CPQ: variants seen among roughly 807,000 people sequenced by gnomAD.
CPQ encodes Ser-Met dipeptidase.
In CPQ, 37 loss-of-function variants were observed where a neutral mutation model predicts 45.7. The ratio of observed to expected loss-of-function variants is 0.81; its 90% CI spans 0.62 to 1.07. The LOEUF is 1.07. Ranked by LOEUF, CPQ falls within the 50% of genes least tolerant of loss-of-function variation. The probability of loss-of-function intolerance (pLI) is 0.00; values close to 1 mark genes in which losing one functional copy is unlikely to be tolerated. For missense variants in CPQ, 537 were observed against 572.9 expected, an observed-to-expected ratio of 0.94 and a Z score of 0.64; for synonymous variants, 186 against 205.8, an observed-to-expected ratio of 0.90 and a Z score of 0.82.
At chr8:96,871,553 T>C (rs947264979) in intron 3 of CPQ, among the ~76,000 whole-genome samples, 26 of 150,812 alleles carry the variant, frequency 1.7e-4, no homozygotes, top group Non-Finnish European at 2.8e-4. Flanking sequence ...TTTTTTTTTT[T>C]TTTAAGCAGG....
chr8:96,807,890 T>C (rs2130827017), intron 2 of CPQ, among the ~76,000 whole-genome samples: 1 of 152,300 alleles, frequency 6.6e-6, no homozygotes, highest in South Asian at 2.1e-4. Context: ...AAGGCTCTTT[T>C]CCCACTTCAG....
intron 3 of CPQ, among the ~76,000 whole-genome samples, chr8:96,869,454 A>G (rs1274949048): frequency 6.6e-6 from 1 of 152,084 alleles, no homozygotes; most frequent in Non-Finnish European, 1.5e-5. Context: ...CTGGGCATGG[A>G]TGTAATATTG....
At chr8:96,687,321 T>G (rs1325626346) in intron 1 of CPQ, among the ~76,000 whole-genome samples, 1 of 152,124 alleles carries the variant, frequency 6.6e-6, no homozygotes, top group Non-Finnish European at 1.5e-5. Context: ...AAAGTGATTC[T>G]CCTGCCTCAG....
intron 5 of CPQ, among the ~76,000 whole-genome samples, chr8:97,012,784 C>A (rs577582281): frequency 6.6e-6 from 1 of 152,256 alleles, no homozygotes; most frequent in East Asian, 1.9e-4. Flanking sequence ...ATAAGGTCAG[C>A]TAATCCATTA....
At chr8:96,746,811 G>A (rs1459720513) in intron 1 of CPQ, among the ~76,000 whole-genome samples, 2 of 152,148 alleles carry the variant, frequency 1.3e-5, no homozygotes, top group African/African-American at 4.8e-5. Context: ...CCTCATTATA[G>A]CCTTTGGACA....
chr8:96,751,571 C>G (rs1810260144), intron 1 of CPQ, among the ~76,000 whole-genome samples: 1 of 152,082 alleles, frequency 6.6e-6, no homozygotes, highest in African/African-American at 2.4e-5. Flanking sequence ...CAAACATTTT[C>G]TCCCATTCTG....
At chr8:97,059,820 A>T (rs1329573176) in intron 6 of CPQ, among the ~76,000 whole-genome samples, 1 of 152,158 alleles carries the variant, frequency 6.6e-6, no homozygotes, top group Non-Finnish European at 1.5e-5. Context: ...TTATCTGTAA[A>T]ATATTTACAT....
intron 2 of CPQ, among the ~76,000 whole-genome samples, chr8:96,829,907 C>G (rs577465675): frequency 6.4e-4 from 97 of 152,218 alleles, no homozygotes; most frequent in Middle Eastern, 6.8e-3. Context: ...AATTTTGGCC[C>G]AGTAGGAAGG....
rs372241683 is a variant in CPQ at position 96,737,355 on chromosome 8, G to GAT, written c.-34-47496_-34-47495dup. ...ACACACTCACACAGAACTAATAGGA[G>GAT]ATATATATATATATGAGTTTATTAA... is the stretch of plus-strand genomic sequence containing the variant. On this transcript the variant is annotated intron_variant, in intron 1 of 7. Coordinates refer to ENST00000220763, the MANE Select transcript of CPQ (RefSeq NM_016134.4). Among the ~76,000 whole-genome samples the GAT allele has an allele frequency of 3.0e-3, 358 of 117,996 alleles. 24 individuals are homozygous for GAT. The highest frequency in any genetic ancestry group is 0.011 in the African/African-American group (319 of 30,124). The allele number at this position is 117,996 out of a possible 152,430, so 77.4% of individuals were successfully genotyped here.
intron 2 of CPQ, among the ~76,000 whole-genome samples, chr8:96,814,033 C>CATAT (rs949195672): frequency 1.3e-5 from 2 of 150,844 alleles, no homozygotes; most frequent in African/African-American, 2.4e-5. Context: ...TATATATGCA[C>CATAT]ATATATATAT....
At chr8:96,904,187 C>T (rs1479305033) in intron 4 of CPQ, among the ~76,000 whole-genome samples, 1 of 150,732 alleles carries the variant, frequency 6.6e-6, no homozygotes, top group Non-Finnish European at 1.5e-5. Flanking sequence ...TTTTCTTTAA[C>T]ATCTTTCCTT....
intron 2 of CPQ, among the ~76,000 whole-genome samples, chr8:96,813,076 C>T (rs536917145): frequency 3.9e-5 from 6 of 152,166 alleles, no homozygotes; most frequent in African/African-American, 1.4e-4. Context: ...TCAGTGTTCC[C>T]CCTTTCCCGC....
In CPQ at chr8:96,950,961, G is replaced by T. The variant is rs376372772; in HGVS notation, c.850-14974G>T. ...CTGAAACCCAGATCTTAATTACTGTGTTGTAATAAGAGGGAGAAAGACAAG... is the reference window on the plus strand; with the variant it reads ...CTGAAACCCAGATCTTAATTACTGTTTTGTAATAAGAGGGAGAAAGACAAG... On this transcript the variant is annotated intron_variant, in intron 4 of 7. Transcript: ENST00000220763. Among the ~76,000 whole-genome samples, 15 of 152,226 alleles carry T rather than the reference G, an allele frequency of 9.9e-5. No homozygotes were observed. The East Asian group carries it at 2.5e-3, about 25-fold the overall frequency.
intron 5 of CPQ, among the ~76,000 whole-genome samples, chr8:96,983,846 A>G (rs1278813017): frequency 7.6e-6 from 1 of 132,308 alleles, no homozygotes; most frequent in African/African-American, 2.8e-5. Flanking sequence ...TTTTTTTACT[A>G]TTCCTTTTCT....
At chr8:96,935,059 G>C (rs1032572905) in intron 4 of CPQ, among the ~76,000 whole-genome samples, 1 of 152,152 alleles carries the variant, frequency 6.6e-6, no homozygotes, top group African/African-American at 2.4e-5. Flanking sequence ...GGAAGTTATT[G>C]GCTTGTGTAA....
chr8:96,908,008 C>T (rs2130902020), intron 4 of CPQ, among the ~76,000 whole-genome samples: 1 of 152,074 alleles, frequency 6.6e-6, no homozygotes, highest in African/African-American at 2.4e-5. Flanking sequence ...AAAATGAGTT[C>T]ACAGGTTTTT....
intron 1 of CPQ, among the ~76,000 whole-genome samples, chr8:96,709,896 T>C (rs769067708): frequency 1.3e-5 from 2 of 152,282 alleles, no homozygotes; most frequent in Middle Eastern, 3.4e-3. Flanking sequence ...ACTGGCTTCA[T>C]AGAATGAGTT....
intron 2 of CPQ, among the ~76,000 whole-genome samples, chr8:96,821,922 A>G (rs1192920580): frequency 2.0e-5 from 3 of 152,018 alleles, no homozygotes; most frequent in Non-Finnish European, 4.4e-5. Context: ...TGGTGATAAC[A>G]CTTAGAATCT....
At chr8:96,703,329 C>G (rs1303187861) in intron 1 of CPQ, among the ~76,000 whole-genome samples, 1 of 152,046 alleles carries the variant, frequency 6.6e-6, no homozygotes, top group Non-Finnish European at 1.5e-5. Context: ...TAAGAAATAC[C>G]ACTATATATG....
Sources: allele counts gnomAD v4.1 joint callset (sites outside exome capture counted in the v4.1 genomes callset), GRCh38; gene constraint gnomAD v4.1.1; transcripts MANE v1.5; gene names NCBI Gene and HGNC (gene_info 2026-07-23, HGNC 2026-07-21).